KIAA0319L: variants seen among roughly 807,000 people sequenced by gnomAD.
The protein encoded by KIAA0319L is dyslexia-associated protein KIAA0319-like protein.
Under a neutral mutation model 120.1 loss-of-function variants are expected in KIAA0319L, and 55 were observed. The ratio of observed to expected loss-of-function variants is 0.46; its 90% CI spans 0.37 to 0.57. KIAA0319L has a LOEUF of 0.57. KIAA0319L is among the 20% of genes least tolerant of loss of function. KIAA0319L has a pLI of 0.00. For missense variants in KIAA0319L, 1,049 were observed against 1,255.3 expected (o/e 0.84, Z 2.48); for synonymous variants, 398 against 471.9 (o/e 0.84, Z 2.03).
At chr1:35,531,877 A>G (rs1362410991) in intron 2 of KIAA0319L, among the ~76,000 whole-genome samples, 1 of 152,140 alleles carries the variant, frequency 6.6e-6, no homozygotes, top group Non-Finnish European at 1.5e-5. Flanking sequence ...CCTAGGAAAA[A>G]GCTAGCTTCT....
At chr1:35,462,760 T>C in intron 7 of KIAA0319L, 47 bp from the exon 8 acceptor site, 1 of 1,396,568 alleles carries the variant, frequency 7.2e-7, no homozygotes, top group Non-Finnish European at 1.0e-6. Flanking sequence ...GCTTCAGAAA[T>C]TACAGGAGCA....
At chr1:35,486,376 GAA>G (rs899924972) in intron 3 of KIAA0319L, among the ~76,000 whole-genome samples, 584 of 52,118 alleles carry the variant, frequency 0.011, 2 homozygotes, top group African/African-American at 0.014. Flanking sequence ...CCTGTCTCAA[GAA>G]AAAAAAAAAA....
At chr1:35,472,668 T>C (rs1289956692) in intron 5 of KIAA0319L, among the ~76,000 whole-genome samples, 2 of 152,090 alleles carry the variant, frequency 1.3e-5, no homozygotes. Context: ...ATAAAGAGCA[T>C]GCAGAATTGG....
intron 8 of KIAA0319L, among the ~76,000 whole-genome samples, chr1:35,461,660 G>A (rs1004767078): frequency 1.3e-5 from 2 of 152,128 alleles, no homozygotes; most frequent in Admixed American, 1.3e-4. Flanking sequence ...CGGACACTTA[G>A]GACACACGGA....
chr1:35,488,900 G>A (rs1420335806), intron 3 of KIAA0319L, among the ~76,000 whole-genome samples: 1 of 152,202 alleles, frequency 6.6e-6, no homozygotes, highest in Non-Finnish European at 1.5e-5. Context: ...TTAGATGTAA[G>A]TGAATAAAGA....
intron 2 of KIAA0319L, among the ~76,000 whole-genome samples, chr1:35,509,102 C>T (rs977795276): frequency 6.6e-6 from 1 of 152,072 alleles, no homozygotes; most frequent in Non-Finnish European, 1.5e-5. Flanking sequence ...TGGAGGCATG[C>T]TCCAGACTGT....
intron 5 of KIAA0319L, among the ~76,000 whole-genome samples, chr1:35,474,513 G>A (rs1272454969): frequency 6.6e-6 from 1 of 152,092 alleles, no homozygotes; most frequent in African/African-American, 2.4e-5. Flanking sequence ...GTTTATTTTG[G>A]TCAAACAACC....
intron 3 of KIAA0319L, among the ~76,000 whole-genome samples, chr1:35,483,343 TG>T (rs1644248324): frequency 1.3e-5 from 2 of 152,256 alleles, no homozygotes; most frequent in South Asian, 4.1e-4. Context: ...AATGTTCTCC[TG>T]GGTTCTCTTC....
At chr1:35,513,011 T>C (rs1413916726) in intron 2 of KIAA0319L, among the ~76,000 whole-genome samples, 1 of 151,456 alleles carries the variant, frequency 6.6e-6, no homozygotes, top group Non-Finnish European at 1.5e-5. Context: ...AACTCATTTA[T>C]GTATGTGTTA....
intron 3 of KIAA0319L, 116 bp from the exon 4 acceptor site, chr1:35,479,328 A>G (rs1644045847): frequency 1.3e-6 from 1 of 793,482 alleles, no homozygotes; most frequent in Non-Finnish European, 2.0e-6. Flanking sequence ...AATATCAAAA[A>G]TATTAAAGAA....
At chr1:35,552,605 G>A (rs1004747757) in intron 2 of KIAA0319L, among the ~76,000 whole-genome samples, 10 of 152,238 alleles carry the variant, frequency 6.6e-5, no homozygotes, top group Admixed American at 1.3e-4. Context: ...TTACAATTAG[G>A]AGTCTGGTAT....
intron 6 of KIAA0319L, among the ~76,000 whole-genome samples, chr1:35,467,396 T>C (rs1643341239): frequency 7.2e-6 from 1 of 139,072 alleles, no homozygotes; most frequent in African/African-American, 2.5e-5. Flanking sequence ...ATCACTATCA[T>C]AACACATCAA....
intron 2 of KIAA0319L, among the ~76,000 whole-genome samples, chr1:35,513,286 ATAT>A (rs1291408581): frequency 0.056 from 5,768 of 102,514 alleles, 62 homozygotes; most frequent in Middle Eastern, 0.11. Context: ...ATATATATAT[ATAT>A]TTTTTTTTTT....
chr1:35,435,283 C>A (rs1640694765), intron 20 of KIAA0319L: 2 of 584,660 alleles, frequency 3.4e-6, no homozygotes, highest in Non-Finnish European at 6.1e-6. Context: ...AGGGGTGTCA[C>A]AGAGTACGGA....
chr1:35,482,430 CT>C (rs777518171), intron 3 of KIAA0319L, among the ~76,000 whole-genome samples: 3,396 of 134,254 alleles, frequency 0.025, 79 homozygotes, highest in African/African-American at 0.082. Context: ...ATCTACAGGT[CT>C]TTTTTTTTTT....
chr1:35,434,712 C>T lies in KIAA0319L; in HGVS notation c.*182G>A, dbSNP rs796262463. 5.0e-5 allele frequency: 29 copies of T among 578,164 alleles called. 1 individual carries two copies. The South Asian group carries it at 5.3e-4, about 10-fold the overall frequency. 35.8% of individuals were successfully genotyped at this position (578,164 alleles called of 1,614,324 possible). A position where few individuals can be genotyped will look rare whatever the true frequency, so the allele number is the denominator to read the frequency against. ...GGTTTAAAGAGGAAACCTCTTCATT[C>T]ACAGCTTCGTTGAGGGGTTCCTGGA... On this transcript the variant is annotated 3_prime_UTR_variant, in exon 21 of 21. Coordinates refer to ENST00000325722, the MANE Select transcript of KIAA0319L (RefSeq NM_024874.5).
chr1:35,471,026 G>C (rs1643591376), intron 5 of KIAA0319L, 66 bp from the exon 6 acceptor site: 3 of 896,178 alleles, frequency 3.3e-6, no homozygotes, highest in Non-Finnish European at 5.7e-6. Context: ...CAGCCACATA[G>C]CCTGCCAATA....
intron 2 of KIAA0319L, among the ~76,000 whole-genome samples, chr1:35,541,600 G>A (rs1338246821): frequency 2.0e-5 from 3 of 151,838 alleles, no homozygotes; most frequent in Non-Finnish European, 2.9e-5. Context: ...TCCACCCACC[G>A]CAGCCTCCCA....
intron 20 of KIAA0319L, 164 bp from the exon 21 acceptor site, chr1:35,435,245 G>A (rs1008337043): frequency 1.3e-5 from 8 of 639,338 alleles, no homozygotes; most frequent in Admixed American, 2.9e-5. Context: ...TCCTTCTCCC[G>A]GGCCCAACTG....
Sources: allele counts gnomAD v4.1 joint callset (sites outside exome capture counted in the v4.1 genomes callset), GRCh38; gene constraint gnomAD v4.1.1; transcripts MANE v1.5; gene names NCBI Gene and HGNC (gene_info 2026-07-23, HGNC 2026-07-21).